Variants in PLD5 observed in about 807,000 individuals in gnomAD.
PLD5 encodes inactive phospholipase D5.
A neutral mutation model predicts 61.1 loss-of-function variants in PLD5; 36 were observed. The observed-to-expected ratio is 0.59, with a 90% CI of 0.45 to 0.78. PLD5 has a LOEUF of 0.78. Ranked by LOEUF, PLD5 falls within the 30% of genes least tolerant of loss-of-function variation. The pLI, the probability that PLD5 is intolerant of heterozygous loss-of-function variation, is 0.00. For missense variants in PLD5, 515 were observed against 644.4 expected (o/e 0.80, Z 2.17); for synonymous variants, 243 against 242.8 (o/e 1.00, Z -0.01).
chr1:242,158,515 G>C (rs1665570986), intron 5 of PLD5, among the ~76,000 whole-genome samples: 1 of 152,146 alleles, frequency 6.6e-6, no homozygotes, highest in South Asian at 2.1e-4. Flanking sequence ...ATCTGGGCCA[G>C]AGTGCATGGT....
chr1:242,372,072 T>A (rs1389234191), intron 1 of PLD5, among the ~76,000 whole-genome samples: 2 of 152,198 alleles, frequency 1.3e-5, no homozygotes, highest in Non-Finnish European at 2.9e-5. Context: ...CCCCTCCCTG[T>A]GTCCGTGTGT....
At chr1:242,500,877 C>T (rs1668532673) in intron 1 of PLD5, among the ~76,000 whole-genome samples, 1 of 152,130 alleles carries the variant, frequency 6.6e-6, no homozygotes, top group Non-Finnish European at 1.5e-5. Flanking sequence ...AATGTCGGGG[C>T]TTCACAGGTG....
At chr1:242,387,411 T>C (rs1460349094) in intron 1 of PLD5, among the ~76,000 whole-genome samples, 1 of 152,048 alleles carries the variant, frequency 6.6e-6, no homozygotes, top group Non-Finnish European at 1.5e-5. Context: ...AATATGCCAA[T>C]GGAACAGAAC....
At position 242,265,411 on chromosome 1, in the gene PLD5, G is replaced by T; in HGVS notation, c.533C>A (p.Ser178Ter). 1.2e-6 allele frequency: 2 copies of T among 1,611,802 alleles called. No individual in the cohort carries two copies. Among genetic ancestry groups the T allele is most frequent in the Non-Finnish European group, 1.7e-6 (2 of 1,178,976 alleles). ...CACTAGCTTGATTTCAATATTTTGC[G>T]AAGTCAGCTGGAGCAACTTTTCAAA... ...RLFEKLLQLT[S>*]QNIEIKLVSD... is the part of the protein sequence containing the mutation. The change falls in exon 4 of 10, where the codon TCG becomes TAG. Residue 178 changes from serine to a stop codon, truncating the protein, a stop_gained. Transcript: ENST00000536534. LOFTEE classifies it high-confidence loss of function.
intron 1 of PLD5, among the ~76,000 whole-genome samples, chr1:242,352,252 T>C (rs1047624893): frequency 1.3e-5 from 2 of 152,214 alleles, no homozygotes; most frequent in Admixed American, 1.3e-4. Context: ...TTCTACTCTC[T>C]ACTTCTATAA....
chr1:242,440,801 G>C (rs1666238210), intron 1 of PLD5, among the ~76,000 whole-genome samples: 1 of 152,124 alleles, frequency 6.6e-6, no homozygotes, highest in South Asian at 2.1e-4. Flanking sequence ...ACCACTCATT[G>C]CTCCCTCTCC....
intron 6 of PLD5, among the ~76,000 whole-genome samples, chr1:242,119,765 G>A (rs923269299): frequency 6.6e-6 from 1 of 152,104 alleles, no homozygotes; most frequent in Non-Finnish European, 1.5e-5. Context: ...AAAACAGTTT[G>A]GTAGTTTCTC....
intron 1 of PLD5, among the ~76,000 whole-genome samples, chr1:242,422,846 C>CT (rs3033897): frequency 1.1e-4 from 14 of 129,580 alleles, no homozygotes; most frequent in Middle Eastern, 4.1e-3. Context: ...GTATTTCTCT[C>CT]TTTTTTTTTT....
chr1:242,391,862 G>T (rs955648525), intron 1 of PLD5, among the ~76,000 whole-genome samples: 6 of 152,126 alleles, frequency 3.9e-5, no homozygotes, highest in African/African-American at 7.2e-5. Flanking sequence ...ATTTCTCAAA[G>T]AACTTAAAAC....
intron 5 of PLD5, among the ~76,000 whole-genome samples, chr1:242,157,773 C>T (rs558308571): frequency 3.3e-4 from 50 of 152,234 alleles, no homozygotes; most frequent in Middle Eastern, 3.4e-3. Context: ...AGGTGTCTCC[C>T]AGTCAGGATA....
At chr1:242,460,864 G>A (rs753615092) in intron 1 of PLD5, among the ~76,000 whole-genome samples, 1 of 151,516 alleles carries the variant, frequency 6.6e-6, no homozygotes, top group Non-Finnish European at 1.5e-5. Flanking sequence ...CAGAGGCCAG[G>A]CACGGTGGCT....
intron 1 of PLD5, among the ~76,000 whole-genome samples, chr1:242,398,216 A>C (rs1023114385): frequency 6.6e-6 from 1 of 152,228 alleles, no homozygotes; most frequent in Non-Finnish European, 1.5e-5. Context: ...GCAATACAGC[A>C]CTTGTGAGTA....
intron 1 of PLD5, among the ~76,000 whole-genome samples, chr1:242,489,573 A>G (rs1419489172): frequency 1.3e-5 from 2 of 152,130 alleles, no homozygotes; most frequent in African/African-American, 2.4e-5. Context: ...GGTGATTTTT[A>G]TTTTCTTCTG....
At chr1:242,193,722 C>T (rs1382016012) in intron 5 of PLD5, among the ~76,000 whole-genome samples, 1 of 152,208 alleles carries the variant, frequency 6.6e-6, no homozygotes, top group African/African-American at 2.4e-5. Flanking sequence ...CACATCTTAG[C>T]ACATGTCCTT....
chr1:242,348,862 G>A (rs1262126491), intron 1 of PLD5, among the ~76,000 whole-genome samples: 1 of 152,138 alleles, frequency 6.6e-6, no homozygotes, highest in Non-Finnish European at 1.5e-5. Flanking sequence ...AGACCGTCCT[G>A]GCTAACACGG....
intron 1 of PLD5, among the ~76,000 whole-genome samples, chr1:242,406,767 T>C (rs1300632369): frequency 6.6e-6 from 1 of 152,218 alleles, no homozygotes; most frequent in Non-Finnish European, 1.5e-5. Flanking sequence ...TTTTATAACA[T>C]TTAACCATGA....
intron 2 of PLD5, among the ~76,000 whole-genome samples, chr1:242,310,965 G>A (rs1018826378): frequency 2.6e-5 from 4 of 152,092 alleles, no homozygotes; most frequent in Non-Finnish European, 4.4e-5. Context: ...ATAGGGCCAC[G>A]TGTGTTTATT....
intron 1 of PLD5, among the ~76,000 whole-genome samples, chr1:242,441,303 C>T (rs1277629307): frequency 1.3e-5 from 2 of 151,824 alleles, no homozygotes; most frequent in African/African-American, 4.8e-5. Context: ...AGTAAAAATG[C>T]TGTGTATGGT....
rs1046818224 is a variant in PLD5, at chr1:242,086,777, T to C, written c.*3077A>G. On this transcript the variant is annotated 3_prime_UTR_variant, in exon 10 of 10. Transcript: ENST00000536534. ...GAGGATACATAAGGCACTAAGTTAG[T>C]GTTAGTGGTACTGAAATCCAAGATA... The C allele has an allele frequency of 1.2e-4, 18 of 152,200 alleles. No homozygotes were observed. Among genetic ancestry groups the C allele is most frequent in the African/African-American group, 4.3e-4 (18 of 41,442 alleles). The allele number at this position is 152,200 out of a possible 1,614,324, so 9.4% of individuals were successfully genotyped here. A position where few individuals can be genotyped will look rare whatever the true frequency, so the allele number is the denominator to read the frequency against.
Sources: gnomAD v4.1 joint callset for allele counts (sites outside exome capture counted in the v4.1 genomes callset) on GRCh38, gnomAD v4.1.1 for gene constraint, MANE v1.5 for transcripts, NCBI Gene and HGNC (gene_info 2026-07-23, HGNC 2026-07-21) for gene names.